Variants in PCDHGA7 observed in about 807,000 individuals in gnomAD.
PCDHGA7 encodes protocadherin gamma-A7.
PCDHGA7 carries 44 observed loss-of-function variants against 58.3 expected under a neutral mutation model. The observed-to-expected ratio is 0.75, with a 90% CI of 0.59 to 0.97. The LOEUF (loss-of-function observed/expected upper bound fraction) is 0.97, where lower values mean the gene tolerates loss of function less well. Among genes scored for constraint, PCDHGA7 ranks in the 50% least tolerant of loss-of-function variants. The pLI, the probability that PCDHGA7 is intolerant of heterozygous loss-of-function variation, is 0.00. For missense variants in PCDHGA7, 1,266 were observed against 1,188.7 expected (o/e 1.06, Z -0.96); for synonymous variants, 516 against 504.2 (o/e 1.02, Z -0.31).
chr5:141,425,794 G>A (rs915736198), intron 1 of PCDHGA7, among the ~76,000 whole-genome samples: 23 of 152,074 alleles, frequency 1.5e-4, no homozygotes, highest in Non-Finnish European at 2.2e-4. Context: ...CTTCCAATAT[G>A]TGCATTGCTT....
chr5:141,445,786 C>A (rs1189294394), intron 1 of PCDHGA7, among the ~76,000 whole-genome samples: 2 of 152,018 alleles, frequency 1.3e-5, no homozygotes, highest in Non-Finnish European at 2.9e-5. Flanking sequence ...GCTAGGGAGG[C>A]TAGAAACAGA....
chr5:141,416,169 TAA>T (rs1350204040), intron 1 of PCDHGA7: 1 of 152,706 alleles, frequency 6.5e-6, no homozygotes, highest in African/African-American at 2.4e-5. Flanking sequence ...TTGAATATAC[TAA>T]GTTTTTCATT....
intron 1 of PCDHGA7, chr5:141,478,333 G>T: frequency 6.2e-7 from 1 of 1,613,928 alleles, no homozygotes; most frequent in Non-Finnish European, 8.5e-7. Context: ...GAACACCAGG[G>T]CCCTCCTTGC....
intron 1 of PCDHGA7, chr5:141,393,417 A>C: frequency 6.2e-7 from 1 of 1,614,032 alleles, no homozygotes; most frequent in Non-Finnish European, 8.5e-7. Context: ...CGCCCTGGAC[A>C]GGGAGGAAGA....
chr5:141,433,115 G>T, intron 1 of PCDHGA7: 1 of 1,613,762 alleles, frequency 6.2e-7, no homozygotes, highest in Non-Finnish European at 8.5e-7. Context: ...GGAGAGCTTT[G>T]AAAAAAGCGA....
chr5:141,455,495 G>C (rs2098824459), intron 1 of PCDHGA7, among the ~76,000 whole-genome samples: 1 of 152,204 alleles, frequency 6.6e-6, no homozygotes, highest in East Asian at 1.9e-4. Flanking sequence ...GGTGATGTCT[G>C]ATTTGCATAG....
At chr5:141,449,467 C>G (rs1356192128) in intron 1 of PCDHGA7, among the ~76,000 whole-genome samples, 1 of 150,842 alleles carries the variant, frequency 6.6e-6, no homozygotes, top group South Asian at 2.1e-4. Flanking sequence ...ATTAGCCAGG[C>G]CTGGTACCCC....
At chr5:141,419,901 C>A (rs2096446114) in intron 1 of PCDHGA7, 5 of 1,614,108 alleles carry the variant, frequency 3.1e-6, no homozygotes, top group Non-Finnish European at 4.2e-6. Flanking sequence ...CATCCCACAC[C>A]CTCTGACTCC....
In PCDHGA7 at chr5:141,476,715, G is replaced by A. The variant is rs199871912; in HGVS notation, c.2425-18092G>A. 12 of 1,614,168 alleles carry A rather than the reference G, an allele frequency of 7.4e-6. No individual in the cohort carries two copies. The highest frequency in any genetic ancestry group is 1.7e-5 in the Admixed American group (1 of 60,032). On this transcript the variant is annotated intron_variant, in intron 1 of 3. Coordinates refer to ENST00000518325, the MANE Select transcript of PCDHGA7 (RefSeq NM_018920.4). The surrounding 1 kb of genome is among the most constrained non-coding windows in gnomAD (Gnocchi z 7.6). ...AAGTACGCGGAGCTGGTGTTGGAGC[G>A]CGCCCTGGACCGAGAACGGGAGCCT...
At chr5:141,389,823 G>A in intron 1 of PCDHGA7, 3 of 1,613,944 alleles carry the variant, frequency 1.9e-6, no homozygotes, top group Non-Finnish European at 2.5e-6. Context: ...CGTGCGTGAC[G>A]GTGGACAGCC....
In PCDHGA7 at chr5:141,512,133, G is replaced by A. The variant is rs1394116556; in HGVS notation, c.*960G>A. ...CCACTACATAATAGGGCTCAGCCCA[G>A]GCAGCCAGCTTTGGGCTGAGCTAAC... On this transcript the variant is annotated 3_prime_UTR_variant, in exon 4 of 4. Coordinates refer to ENST00000518325, the MANE Select transcript of PCDHGA7 (RefSeq NM_018920.4). 3 of 152,708 alleles carry A rather than the reference G, an allele frequency of 2.0e-5. No homozygotes were observed. Among genetic ancestry groups the A allele is most frequent in the Non-Finnish European group, 2.9e-5 (2 of 68,102 alleles). 9.5% of individuals were successfully genotyped at this position (152,708 alleles called of 1,614,324 possible).
chr5:141,389,068 C>T (rs1265953328), intron 1 of PCDHGA7: 2 of 1,613,904 alleles, frequency 1.2e-6, no homozygotes, highest in East Asian at 2.2e-5. Flanking sequence ...ATATTAACTT[C>T]TTCAAGAAAC....
At chr5:141,427,056 T>C (rs1472513807) in intron 1 of PCDHGA7, 1 of 457,676 alleles carries the variant, frequency 2.2e-6, no homozygotes, top group Non-Finnish European at 4.4e-6. Flanking sequence ...CCCAGGCACC[T>C]CTGTACTAAA....
At chr5:141,460,368 G>A (rs1005554535) in intron 1 of PCDHGA7, among the ~76,000 whole-genome samples, 1 of 152,050 alleles carries the variant, frequency 6.6e-6, no homozygotes. Context: ...AAGTTTTATA[G>A]TTTTACCATT....
At position 141,477,898 on chromosome 5, in the gene PCDHGA7, A is replaced by C; in HGVS notation, c.2425-16909A>C. The C allele has an allele frequency of 6.2e-7, 1 of 1,614,158 alleles. No individual in the cohort carries two copies. Among genetic ancestry groups the C allele is most frequent in the East Asian group, 2.2e-5 (1 of 44,864 alleles). ...CTGGCCACCTAGTGTCACGGGTGGT[A>C]GGCTGGGACGCGGATGCAGGGCACA... On this transcript the variant is annotated intron_variant, in intron 1 of 3. Transcript: ENST00000518325. This position sits in a 1 kb window ranked among gnomAD's most constrained non-coding sequence, Gnocchi z 4.9.
chr5:141,424,087 A>C, intron 1 of PCDHGA7: 1 of 933,106 alleles, frequency 1.1e-6, no homozygotes, highest in Non-Finnish European at 1.3e-6. Flanking sequence ...TTCCACCATT[A>C]TTTGCTATTA....
At position 141,476,151 on chromosome 5, in the gene PCDHGA7, G is replaced by A; in HGVS notation, c.2425-18656G>A. Reference sequence around the variant, plus strand: ...GAGGCCTGGAGGAGCGGACTGGTAAGCACCGGGAGGGTAGTGGGAGTTTTG... The same window carrying A: ...GAGGCCTGGAGGAGCGGACTGGTAAACACCGGGAGGGTAGTGGGAGTTTTG... On this transcript the variant is annotated intron_variant, in intron 1 of 3. Transcript: ENST00000518325. This position sits in a 1 kb window ranked among gnomAD's most constrained non-coding sequence, Gnocchi z 7.6. 1 of 1,612,022 alleles carries A rather than the reference G, an allele frequency of 6.2e-7. No individual in the cohort carries two copies. Among genetic ancestry groups the A allele is most frequent in the Admixed American group, 1.7e-5 (1 of 60,014 alleles).
At chr5:141,392,946 G>C (rs1175467046) in intron 1 of PCDHGA7, 11 of 1,613,940 alleles carry the variant, frequency 6.8e-6, no homozygotes, top group Non-Finnish European at 9.3e-6. Flanking sequence ...AGGCTCCTTC[G>C]TGGGTAATAT....
intron 2 of PCDHGA7, among the ~76,000 whole-genome samples, chr5:141,501,506 G>A (rs770097282): frequency 1.3e-5 from 2 of 151,864 alleles, no homozygotes; most frequent in Non-Finnish European, 2.9e-5. Context: ...GGGGCTCCAA[G>A]GCCTCCAAGC....
Sources: gnomAD v4.1 joint callset for allele counts (sites outside exome capture counted in the v4.1 genomes callset) on GRCh38, gnomAD v4.1.1 for gene constraint, Gnocchi (gnomAD v3.1) non-coding constraint, MANE v1.5 for transcripts, NCBI Gene and HGNC (gene_info 2026-07-23, HGNC 2026-07-21) for gene names.